TBC1D22A: variants seen among roughly 807,000 people sequenced by gnomAD.
The protein encoded by TBC1D22A is TBC1 domain family member 22A, also known as putative GTPase activator.
A neutral mutation model predicts 60.2 loss-of-function variants in TBC1D22A; 38 were observed. That is an observed-to-expected ratio of 0.63 (90% CI 0.49 to 0.83). The LOEUF (loss-of-function observed/expected upper bound fraction) is 0.83. Among genes scored for constraint, TBC1D22A ranks in the 40% least tolerant of loss-of-function variants. The pLI, the probability that TBC1D22A is intolerant of heterozygous loss-of-function variation, is 0.00. For synonymous variants in TBC1D22A, 302 were observed against 281.7 expected (o/e 1.07, Z -0.72); for missense variants, 628 against 701.0 (o/e 0.90, Z 1.18).
At chr22:46,778,105 G>C (rs1269660622) in intron 1 of TBC1D22A, among the ~76,000 whole-genome samples, 1 of 152,096 alleles carries the variant, frequency 6.6e-6, no homozygotes, top group Non-Finnish European at 1.5e-5. Context: ...ACTCGTGTAG[G>C]GCAGCTGGTG....
At position 47,061,862 on chromosome 22, in the gene TBC1D22A, C is replaced by T. The variant is rs781078222; in HGVS notation, c.1329+24664C>T. ...CGGCACTTTGGGAGGCTGAGGCCAGCGGATCACTTGAGGTCCAGAGTTCGA... is the reference window on the plus strand; with the variant it reads ...CGGCACTTTGGGAGGCTGAGGCCAGTGGATCACTTGAGGTCCAGAGTTCGA... On this transcript the variant is annotated intron_variant, in intron 11 of 12. Transcript: ENST00000337137. Among the ~76,000 whole-genome samples, 4 of 152,060 alleles carry T rather than the reference C, an allele frequency of 2.6e-5. 1 individual carries two copies. Among genetic ancestry groups the T allele is most frequent in the South Asian group, 4.1e-4 (2 of 4,820 alleles).
At chr22:47,089,684 A>G (rs918034415) in intron 11 of TBC1D22A, among the ~76,000 whole-genome samples, 5 of 152,172 alleles carry the variant, frequency 3.3e-5, no homozygotes, top group Admixed American at 3.3e-4. Flanking sequence ...CTTGTTTCTT[A>G]TTGTTGTGCA....
At chr22:46,962,182 C>G (rs1033632219) in intron 8 of TBC1D22A, among the ~76,000 whole-genome samples, 1 of 152,184 alleles carries the variant, frequency 6.6e-6, no homozygotes, top group Non-Finnish European at 1.5e-5. Flanking sequence ...ACCTCACTGC[C>G]CCTCCTGCTC....
At chr22:47,022,761 G>A (rs554753580) in intron 10 of TBC1D22A, among the ~76,000 whole-genome samples, 2 of 152,242 alleles carry the variant, frequency 1.3e-5, no homozygotes, top group South Asian at 2.1e-4. Flanking sequence ...AGAAGTCCCC[G>A]GCATCAGGTA....
intron 12 of TBC1D22A, among the ~76,000 whole-genome samples, chr22:47,157,627 G>A (rs781739927): frequency 3.3e-5 from 5 of 152,348 alleles, no homozygotes; most frequent in Middle Eastern, 3.4e-3. Flanking sequence ...GCGTGCCGTC[G>A]TGAGCTCCGT....
chr22:47,054,741 G>A (rs2063333454), intron 11 of TBC1D22A, among the ~76,000 whole-genome samples: 1 of 152,230 alleles, frequency 6.6e-6, no homozygotes, highest in Non-Finnish European at 1.5e-5. Context: ...GGCCAGTGAG[G>A]GCTGTTCCTG....
intron 10 of TBC1D22A, among the ~76,000 whole-genome samples, chr22:47,013,874 T>C (rs1014542689): frequency 2.6e-5 from 4 of 152,226 alleles, no homozygotes; most frequent in African/African-American, 9.6e-5. Context: ...CACAGTCACC[T>C]AGGCCTCCCT....
At chr22:46,852,432 T>C (rs2087330898) in intron 4 of TBC1D22A, among the ~76,000 whole-genome samples, 1 of 152,216 alleles carries the variant, frequency 6.6e-6, no homozygotes, top group African/African-American at 2.4e-5. Context: ...ACACGTTCCC[T>C]TGAGGCTGAG....
intron 11 of TBC1D22A, among the ~76,000 whole-genome samples, chr22:47,044,440 G>A (rs997283475): frequency 6.6e-6 from 1 of 152,208 alleles, no homozygotes; most frequent in Non-Finnish European, 1.5e-5. Context: ...GCACCTGCTG[G>A]GTGCTCTGCC....
At chr22:46,959,112 G>A (rs2073360775) in intron 8 of TBC1D22A, among the ~76,000 whole-genome samples, 1 of 152,196 alleles carries the variant, frequency 6.6e-6, no homozygotes, top group Non-Finnish European at 1.5e-5. Context: ...TTTCTTGTTG[G>A]TTTTCGCTTT....
chr22:47,014,413 C>A (rs1053883952), intron 10 of TBC1D22A, among the ~76,000 whole-genome samples: 2 of 152,126 alleles, frequency 1.3e-5, no homozygotes, highest in East Asian at 3.9e-4. Flanking sequence ...CAGACTAGAC[C>A]CAGGGCCCCA....
intron 11 of TBC1D22A, among the ~76,000 whole-genome samples, chr22:47,087,542 A>T (rs970098709): frequency 5.5e-4 from 84 of 152,244 alleles, no homozygotes; most frequent in African/African-American, 1.9e-3. Flanking sequence ...ATCTTAAGCA[A>T]AAAAGAATTG....
chr22:46,794,650 A>G (rs967442452), intron 3 of TBC1D22A, among the ~76,000 whole-genome samples: 3 of 152,230 alleles, frequency 2.0e-5, no homozygotes, highest in African/African-American at 2.4e-5. Flanking sequence ...CACTGCCCAC[A>G]GTCAGCAAGG....
chr22:47,103,657 G>A lies in TBC1D22A; in HGVS notation c.1330-7851G>A, dbSNP rs796195454. Among the ~76,000 whole-genome samples, 10 of 149,198 alleles carry A rather than the reference G, an allele frequency of 6.7e-5. 1 individual carries two copies. The highest frequency in any genetic ancestry group is 6.3e-4 in the South Asian group (3 of 4,796). On this transcript the variant is annotated intron_variant, in intron 11 of 12. Coordinates refer to ENST00000337137, the MANE Select transcript of TBC1D22A (RefSeq NM_014346.5). ...GCCCAGAGAATGGGATATAGGAGTC[G>A]CAGTGGCATTTAAACTCAGTTGAAA...
chr22:47,034,881 T>C (rs939656879), intron 10 of TBC1D22A, among the ~76,000 whole-genome samples: 5 of 152,252 alleles, frequency 3.3e-5, no homozygotes, highest in South Asian at 2.1e-4. Context: ...CAGAATAAAC[T>C]GTCCTTGCTG....
At chr22:46,821,508 A>G (rs1408157483) in intron 4 of TBC1D22A, among the ~76,000 whole-genome samples, 1 of 152,014 alleles carries the variant, frequency 6.6e-6, no homozygotes, top group Non-Finnish European at 1.5e-5. Flanking sequence ...TTGCTTATGA[A>G]GCTTAGTTTG....
intron 12 of TBC1D22A, among the ~76,000 whole-genome samples, chr22:47,117,540 G>A (rs1441030473): frequency 7.7e-6 from 1 of 130,554 alleles, no homozygotes; most frequent in Non-Finnish European, 1.6e-5. Context: ...CCGTGGCATC[G>A]AGCAGGGAGA....
intron 12 of TBC1D22A, among the ~76,000 whole-genome samples, chr22:47,147,463 G>C (rs1293112667): frequency 6.6e-6 from 1 of 152,176 alleles, no homozygotes; most frequent in Non-Finnish European, 1.5e-5. Flanking sequence ...CTGTCGGAGG[G>C]CTCCCCAGGG....
At chr22:47,034,500 A>G (rs971887655) in intron 10 of TBC1D22A, among the ~76,000 whole-genome samples, 25 of 152,162 alleles carry the variant, frequency 1.6e-4, no homozygotes, top group African/African-American at 4.8e-4. Flanking sequence ...GGGAGGAGGA[A>G]GATGAAGACA....
Sources: gnomAD v4.1 joint callset for allele counts (sites outside exome capture counted in the v4.1 genomes callset) on GRCh38, gnomAD v4.1.1 for gene constraint, MANE v1.5 for transcripts, NCBI Gene and HGNC (gene_info 2026-07-23, HGNC 2026-07-21) for gene names.